DHTKD1: variants seen among roughly 807,000 people sequenced by gnomAD.
DHTKD1 encodes 2-oxoadipate dehydrogenase complex component E1.
A neutral mutation model predicts 101.8 loss-of-function variants in DHTKD1; 78 were observed. That is an observed-to-expected ratio of 0.77 (90% CI 0.64 to 0.93). The LOEUF is 0.93. Among genes scored for constraint, DHTKD1 ranks in the 40% least tolerant of loss-of-function variants. The pLI is 0.00. For synonymous variants in DHTKD1, 462 were observed against 450.3 expected (o/e 1.03, Z -0.33); for missense variants, 1,223 against 1,161.7 (o/e 1.05, Z -0.77).
At chr10:12,098,704 A>G (rs1833111739) in intron 8 of DHTKD1, among the ~76,000 whole-genome samples, 2 of 152,148 alleles carry the variant, frequency 1.3e-5, no homozygotes, top group African/African-American at 4.8e-5. Flanking sequence ...AGCTGGGATT[A>G]CAGGCATGTG....
chr10:12,120,046 G>A (rs1050902267), intron 15 of DHTKD1, 136 bp from the exon 16 acceptor site: 2 of 670,414 alleles, frequency 3.0e-6, no homozygotes, highest in African/African-American at 3.6e-5. Flanking sequence ...GGTACTTGAA[G>A]TACAGTTTCT....
In DHTKD1 at chr10:12,089,170, C is replaced by G. The variant is rs367609145; in HGVS notation, c.902C>G (p.Thr301Ser). The change falls in exon 5 of 17, where the codon ACT (threonine) becomes AGT (serine). Residue 301 changes from threonine to serine, a missense_variant. Physicochemically the swap from Thr to Ser is moderately conservative, Grantham distance 58. Transcript: ENST00000263035. The part of the protein sequence containing the change: ...EAVNPVAVGK[T>S]RGRQQSRQDG... Reference sequence around the variant, plus strand: ...GTCAACCCCGTGGCCGTGGGCAAAACTCGCGGCAGGCAGCAGTCTCGCCAA... The same window carrying G: ...GTCAACCCCGTGGCCGTGGGCAAAAGTCGCGGCAGGCAGCAGTCTCGCCAA... 7 of 1,614,062 alleles carry G rather than the reference C, an allele frequency of 4.3e-6. No individual in the cohort carries two copies. In the African/African-American group the frequency reaches 9.3e-5, roughly 22 times the overall value.
Position 12,075,943 on chromosome 10 carries a change from C to CAAA in DHTKD1, c.155-5519_155-5517dup, listed in dbSNP as rs60158039. On this transcript the variant is annotated intron_variant, in intron 1 of 16. Transcript: ENST00000263035. ...ATTTTGACAGAGCGAGACTCTGTCT[C>CAAA]AAAAAAAAAAAAGGAAAAAGAAAAT... 1.3e-3 allele frequency among the ~76,000 whole-genome samples: 173 copies of CAAA among 132,772 alleles called. 1 individual carries two copies. The highest frequency in any genetic ancestry group is 4.2e-3 in the African/African-American group (152 of 36,336). The allele number at this position is 132,772 out of a possible 152,430, so 87.1% of individuals were successfully genotyped here. A position where few individuals can be genotyped will look rare whatever the true frequency, so the allele number is the denominator to read the frequency against.
chr10:12,098,624 GC>G (rs559051122), intron 8 of DHTKD1, among the ~76,000 whole-genome samples: 136 of 152,298 alleles, frequency 8.9e-4, no homozygotes, highest in African/African-American at 3.1e-3. Context: ...GTGTGCAGTG[GC>G]GTGATCTCGG....
At chr10:12,120,087 A>G (rs1833500207) in intron 15 of DHTKD1, 95 bp from the exon 16 acceptor site, 2 of 907,078 alleles carry the variant, frequency 2.2e-6, no homozygotes, top group East Asian at 2.4e-5. Flanking sequence ...ACACCATCGT[A>G]AAGTTGAAAA....
At chr10:12,083,512 A>T (rs1302998378) in intron 2 of DHTKD1, among the ~76,000 whole-genome samples, 1 of 152,130 alleles carries the variant, frequency 6.6e-6, no homozygotes, top group Non-Finnish European at 1.5e-5. Flanking sequence ...AGGCAAGAGG[A>T]TCACCTGAGG....
chr10:12,112,135 C>A (rs1224083277), intron 12 of DHTKD1, among the ~76,000 whole-genome samples: 1 of 151,984 alleles, frequency 6.6e-6, no homozygotes, highest in Non-Finnish European at 1.5e-5. Context: ...GGCATCATAA[C>A]AAGACCCCAT....
At chr10:12,073,710 C>T (rs962750049) in intron 1 of DHTKD1, among the ~76,000 whole-genome samples, 19 of 152,182 alleles carry the variant, frequency 1.2e-4, no homozygotes, top group Non-Finnish European at 2.1e-4. Flanking sequence ...GACTCAGCCT[C>T]TCCAGCAGCA....
intron 7 of DHTKD1, among the ~76,000 whole-genome samples, chr10:12,097,013 G>C (rs1701484): frequency 0.98 from 149,248 of 152,294 alleles, 73,207 homozygotes; most frequent in Middle Eastern, 1. Context: ...TTTTCTCTCA[G>C]TTGCCTGGAA....
At chr10:12,086,543 T>C (rs2131356554) in intron 3 of DHTKD1, among the ~76,000 whole-genome samples, 1 of 152,042 alleles carries the variant, frequency 6.6e-6, no homozygotes, top group South Asian at 2.1e-4. Context: ...CAGGATGGTC[T>C]CGATCTCCTG....
chr10:12,112,578 C>T (rs1425667002), intron 12 of DHTKD1, among the ~76,000 whole-genome samples: 1 of 152,016 alleles, frequency 6.6e-6, no homozygotes, highest in Non-Finnish European at 1.5e-5. Context: ...TGCTTCCTTC[C>T]CCTGTCTTAA....
intron 14 of DHTKD1, among the ~76,000 whole-genome samples, chr10:12,117,975 C>T (rs891159580): frequency 2.6e-5 from 4 of 151,832 alleles, no homozygotes; most frequent in South Asian, 2.1e-4. Context: ...ATGCAACCTC[C>T]GCCTCCCGGA....
intron 12 of DHTKD1, among the ~76,000 whole-genome samples, chr10:12,109,228 T>C (rs1833292473): frequency 6.6e-6 from 1 of 152,070 alleles, no homozygotes; most frequent in South Asian, 2.1e-4. Flanking sequence ...ATATCGTTAA[T>C]GATTTTGGCA....
At chr10:12,075,550 T>A (rs935050254) in intron 1 of DHTKD1, among the ~76,000 whole-genome samples, 5 of 132,440 alleles carry the variant, frequency 3.8e-5, no homozygotes, top group African/African-American at 1.6e-4. Context: ...AATTTTTGTA[T>A]TTTTTGTAGA....
chr10:12,113,189 C>T, intron 13 of DHTKD1, 125 bp downstream of exon 13: 2 of 944,042 alleles, frequency 2.1e-6, no homozygotes, highest in Non-Finnish European at 3.1e-6. Context: ...ACTGACTTTG[C>T]TACTTTCATT....
chr10:12,079,573 C>T lies in DHTKD1; in HGVS notation c.155-1899C>T, dbSNP rs548293895. On this transcript the variant is annotated intron_variant, in intron 1 of 16. Coordinates refer to ENST00000263035, the MANE Select transcript of DHTKD1 (RefSeq NM_018706.7). Reference sequence around the variant, plus strand: ...GTCCCAGCTACTCAGGAGGCTGAGGCAGGGGAATCACTTGAACCCGGGAGG... The same window carrying T: ...GTCCCAGCTACTCAGGAGGCTGAGGTAGGGGAATCACTTGAACCCGGGAGG... 1.2e-4 allele frequency among the ~76,000 whole-genome samples: 19 copies of T among 152,016 alleles called. No individual in the cohort carries two copies. In the South Asian group the frequency reaches 3.9e-3, roughly 32 times the overall value.
At position 12,087,715 on chromosome 10, in the gene DHTKD1, C is replaced by T. The variant is rs373040245; in HGVS notation, c.703C>T (p.Gln235Ter). 3 of 1,601,178 alleles carry T rather than the reference C, an allele frequency of 1.9e-6. No individual in the cohort carries two copies. The African/African-American group carries it at 4.0e-5, about 21-fold the overall frequency. The part of the protein sequence containing the change: ...GRLNLLTGLL[Q>*]FPPELMFRKM... Reference sequence around the variant, plus strand: ...GCTGAATTTATTGACAGGCCTTCTGCAGTTCCCTCCAGAGGTAAGGTTACT... The same window carrying T: ...GCTGAATTTATTGACAGGCCTTCTGTAGTTCCCTCCAGAGGTAAGGTTACT... The change falls in exon 4 of 17, where the codon CAG becomes TAG. Residue 235 changes from glutamine to a stop codon, truncating the protein, a stop_gained. Transcript: ENST00000263035. LOFTEE classifies it high-confidence loss of function. The surrounding 1 kb of genome is among the most constrained non-coding windows in gnomAD (Gnocchi z 5.2).
chr10:12,085,180 C>T (rs1276831680), intron 3 of DHTKD1, among the ~76,000 whole-genome samples: 1 of 152,056 alleles, frequency 6.6e-6, no homozygotes, highest in East Asian at 1.9e-4. Context: ...GGTGATGGTG[C>T]ACACCTATAA....
chr10:12,106,457 G>A (rs1378171504), intron 11 of DHTKD1, 61 bp downstream of exon 11: 2 of 1,596,634 alleles, frequency 1.3e-6, no homozygotes, highest in African/African-American at 2.7e-5. Flanking sequence ...CAGCCTCGTG[G>A]GGACAAATGA....
Sources: allele counts gnomAD v4.1 joint callset (sites outside exome capture counted in the v4.1 genomes callset), GRCh38; gene constraint gnomAD v4.1.1; non-coding constraint Gnocchi (gnomAD v3.1); transcripts MANE v1.5; gene names NCBI Gene and HGNC (gene_info 2026-07-23, HGNC 2026-07-21).